Variants in EYS observed in about 807,000 individuals in gnomAD.
EYS encodes EGF-like photoreceptor maintenance factor.
EYS carries 250 observed loss-of-function variants against 282.1 expected under a neutral mutation model. The ratio of observed to expected loss-of-function variants is 0.89; its 90% CI spans 0.80 to 0.98. EYS has a LOEUF of 0.98. Ranked by LOEUF, EYS falls within the 50% of genes least tolerant of loss-of-function variation. EYS has a pLI of 0.00. For synonymous variants in EYS, 1,355 were observed against 1,282.9 expected (o/e 1.06, Z -1.20); for missense variants, 4,016 against 3,709.0 (o/e 1.08, Z -2.15).
chr6:64,813,249 C>T lies in EYS; in HGVS notation c.3443+129G>A, dbSNP rs544651281. The T allele has an allele frequency of 9.8e-5, 58 of 594,856 alleles. No homozygotes were observed. In the South Asian group the frequency reaches 1.7e-3, roughly 17 times the overall value. The allele number at this position is 594,856 out of a possible 1,614,324, so 36.8% of individuals were successfully genotyped here. On this transcript the variant is annotated intron_variant, in intron 22 of 42. Coordinates refer to ENST00000503581, the MANE Select transcript of EYS (RefSeq NM_001142800.2). ...TGTAATTGTTATTTTCTAAGTTGTGCTTATATATATATAAGGTAAAATCTT... is the reference window on the plus strand; with the variant it reads ...TGTAATTGTTATTTTCTAAGTTGTGTTTATATATATATAAGGTAAAATCTT...
At chr6:64,699,492 G>T (rs892142381) in intron 22 of EYS, among the ~76,000 whole-genome samples, 2 of 151,968 alleles carry the variant, frequency 1.3e-5, no homozygotes, top group African/African-American at 4.8e-5. Flanking sequence ...TTAATTAAAT[G>T]AGAAATAGAA....
intron 31 of EYS, among the ~76,000 whole-genome samples, chr6:64,097,577 G>A (rs1174783953): frequency 5.9e-5 from 9 of 152,184 alleles, no homozygotes; most frequent in Admixed American, 5.9e-4. Context: ...ATCTCCTGCT[G>A]TGCCGTTTGC....
chr6:63,918,720 C>A (rs1764489457), intron 35 of EYS, among the ~76,000 whole-genome samples: 1 of 152,138 alleles, frequency 6.6e-6, no homozygotes, highest in Non-Finnish European at 1.5e-5. Context: ...TGCTGTATAT[C>A]ATTTCCGTCG....
intron 12 of EYS, among the ~76,000 whole-genome samples, chr6:65,084,159 G>T (rs1774300790): frequency 6.6e-6 from 1 of 151,934 alleles, no homozygotes; most frequent in Admixed American, 6.6e-5. Flanking sequence ...TTTTCCCTTA[G>T]AATCACTCAA....
chr6:64,912,875 T>A, intron 15 of EYS, 132 bp from the exon 16 acceptor site: 1 of 485,814 alleles, frequency 2.1e-6, no homozygotes, highest in Non-Finnish European at 3.4e-6. Context: ...AAATAATACA[T>A]AGTTTTAAAA....
chr6:64,087,205 A>G (rs1165960495), intron 31 of EYS, among the ~76,000 whole-genome samples: 3 of 152,086 alleles, frequency 2.0e-5, no homozygotes, highest in South Asian at 4.1e-4. Context: ...ATTTTTGCCT[A>G]TCTTACTGGG....
intron 26 of EYS, among the ~76,000 whole-genome samples, chr6:64,506,601 C>A (rs1777213106): frequency 6.6e-6 from 1 of 152,046 alleles, no homozygotes; most frequent in African/African-American, 2.4e-5. Context: ...TTACTTCCTA[C>A]GTTTAACTAA....
chr6:65,144,105 C>A (rs1052758966), intron 12 of EYS, among the ~76,000 whole-genome samples: 1 of 152,052 alleles, frequency 6.6e-6, no homozygotes, highest in Non-Finnish European at 1.5e-5. Flanking sequence ...CCTCTCAATG[C>A]CTGCTAAACT....
chr6:64,057,165 G>A (rs1258381138), intron 33 of EYS, among the ~76,000 whole-genome samples: 1 of 152,136 alleles, frequency 6.6e-6, no homozygotes, highest in East Asian at 1.9e-4. Context: ...CTATGGAACA[G>A]GCTTTCAATT....
At chr6:65,426,786 T>C (rs1407420405) in intron 5 of EYS, among the ~76,000 whole-genome samples, 1 of 152,106 alleles carries the variant, frequency 6.6e-6, no homozygotes, top group Non-Finnish European at 1.5e-5. Context: ...AAAATTTTGT[T>C]TTAGGAGTTT....
intron 35 of EYS, among the ~76,000 whole-genome samples, chr6:63,917,223 G>C (rs2149741435): frequency 6.6e-6 from 1 of 152,334 alleles, no homozygotes; most frequent in African/African-American, 2.4e-5. Flanking sequence ...CCAGCTCAGG[G>C]CCATCTTTCT....
intron 22 of EYS, among the ~76,000 whole-genome samples, chr6:64,718,459 T>A (rs1266617771): frequency 2.0e-5 from 3 of 152,196 alleles, no homozygotes; most frequent in African/African-American, 7.2e-5. Flanking sequence ...TGTATTTTTT[T>A]ACATATTTAT....
intron 36 of EYS, among the ~76,000 whole-genome samples, chr6:63,834,841 T>G (rs1771758535): frequency 6.6e-6 from 1 of 151,422 alleles, no homozygotes; most frequent in Admixed American, 6.6e-5. Context: ...AGACAATGTG[T>G]CACATATACA....
chr6:64,997,491 AACAC>A, intron 14 of EYS, 87 bp downstream of exon 14: 2 of 1,241,514 alleles, frequency 1.6e-6, no homozygotes, highest in Admixed American at 2.2e-5. Flanking sequence ...ATACTAACCT[AACAC>A]ACAGGCAAAA....
chr6:64,769,820 A>G (rs748621306), intron 22 of EYS, among the ~76,000 whole-genome samples: 21 of 151,988 alleles, frequency 1.4e-4, no homozygotes, highest in Non-Finnish European at 4.4e-5. Flanking sequence ...GTGGAGGTTA[A>G]GGAGATCAAG....
intron 19 of EYS, among the ~76,000 whole-genome samples, chr6:64,842,828 T>G (rs147634191): frequency 6.6e-6 from 1 of 151,988 alleles, no homozygotes; most frequent in Admixed American, 6.6e-5. Context: ...AAGCACTCTG[T>G]TTTAAAAGGG....
At chr6:65,239,786 C>T (rs929225710) in intron 12 of EYS, among the ~76,000 whole-genome samples, 6 of 151,936 alleles carry the variant, frequency 3.9e-5, no homozygotes, top group African/African-American at 1.5e-4. Flanking sequence ...TTGTATAATA[C>T]AAAATACTAA....
chr6:64,062,153 C>T (rs538853936), intron 33 of EYS, among the ~76,000 whole-genome samples: 5 of 152,112 alleles, frequency 3.3e-5, no homozygotes, highest in South Asian at 2.1e-4. Context: ...TGGAAAAAGC[C>T]GTACCAAAAG....
At chr6:65,278,459 A>G (rs1054080925) in intron 12 of EYS, among the ~76,000 whole-genome samples, 7 of 149,742 alleles carry the variant, frequency 4.7e-5, no homozygotes, top group African/African-American at 7.3e-5. Flanking sequence ...GCTCATATCT[A>G]TATATTACAT....
Sources: allele counts gnomAD v4.1 joint callset (sites outside exome capture counted in the v4.1 genomes callset), GRCh38; gene constraint gnomAD v4.1.1; transcripts MANE v1.5; gene names NCBI Gene and HGNC (gene_info 2026-07-23, HGNC 2026-07-21).